The following VEPH1 variants were observed in gnomAD, a reference collection of about 807,000 sequenced individuals.
VEPH1 encodes ventricular zone expressed PH domain containing 1, also known as ventricular zone-expressed PH domain-containing protein homolog 1.
VEPH1 carries 80 observed loss-of-function variants against 85.2 expected under a neutral mutation model. The observed-to-expected ratio is 0.94, with a 90% CI of 0.78 to 1.13. The LOEUF is 1.13. VEPH1 is among the 50% of genes most tolerant of loss of function. The pLI, the probability that VEPH1 is intolerant of heterozygous loss-of-function variation, is 0.00. For missense variants in VEPH1, 955 were observed against 980.5 expected (o/e 0.97, Z 0.35); for synonymous variants, 297 against 348.0 (o/e 0.85, Z 1.63).
At chr3:157,267,102 C>CTTTTTTTTTTT (rs10537483) in intron 12 of VEPH1, among the ~76,000 whole-genome samples, 23 of 124,674 alleles carry the variant, frequency 1.8e-4, no homozygotes, top group Non-Finnish European at 3.1e-4. Flanking sequence ...TCTTTTTTTT[C>CTTTTTTTTTTT]TTTTTTTTTT....
intron 7 of VEPH1, among the ~76,000 whole-genome samples, chr3:157,377,053 T>C (rs1315847294): frequency 2.0e-5 from 3 of 152,156 alleles, no homozygotes; most frequent in African/African-American, 4.8e-5. Context: ...AGAGAAGCCT[T>C]AGCAACCATT....
chr3:157,442,893 G>T (rs1437024935), intron 4 of VEPH1: 1 of 1,614,100 alleles, frequency 6.2e-7, no homozygotes, highest in Non-Finnish European at 8.5e-7. Flanking sequence ...GACCGGAGGA[G>T]CAGAGTCTTG....
chr3:157,368,469 A>C (rs531858802), intron 7 of VEPH1, among the ~76,000 whole-genome samples: 1 of 138,772 alleles, frequency 7.2e-6, no homozygotes, highest in East Asian at 2.2e-4. Context: ...TTTCAGATAA[A>C]CAATAAGTTT....
intron 8 of VEPH1, among the ~76,000 whole-genome samples, 156 bp downstream of exon 8, chr3:157,364,147 T>C (rs534111927): frequency 1.3e-5 from 2 of 152,290 alleles, no homozygotes; most frequent in South Asian, 4.1e-4. Context: ...CTTTGGATAA[T>C]GAGAGCATTG....
At chr3:157,454,006 C>G (rs1344529355) in intron 4 of VEPH1, among the ~76,000 whole-genome samples, 3 of 152,072 alleles carry the variant, frequency 2.0e-5, no homozygotes, top group Non-Finnish European at 2.9e-5. Context: ...ATCGAAAAAG[C>G]ATTTTTTAAA....
intron 4 of VEPH1, among the ~76,000 whole-genome samples, chr3:157,450,133 G>A (rs1734855379): frequency 7.2e-6 from 1 of 138,080 alleles, no homozygotes; most frequent in East Asian, 2.1e-4. Flanking sequence ...ACAGCTTGCT[G>A]CAGCTTCAAC....
At chr3:157,404,178 A>G (rs1730982307) in intron 6 of VEPH1, among the ~76,000 whole-genome samples, 1 of 152,092 alleles carries the variant, frequency 6.6e-6, no homozygotes, top group South Asian at 2.1e-4. Context: ...TTCAGTCTCT[A>G]TGGAACAGTT....
chr3:157,387,478 A>G (rs977882129), intron 6 of VEPH1, among the ~76,000 whole-genome samples: 2 of 152,226 alleles, frequency 1.3e-5, no homozygotes, highest in African/African-American at 4.8e-5. Flanking sequence ...TAATATAGCT[A>G]TAAGTGGCAG....
intron 6 of VEPH1, among the ~76,000 whole-genome samples, chr3:157,408,414 G>C (rs1425431729): frequency 1.3e-5 from 2 of 152,048 alleles, no homozygotes; most frequent in African/African-American, 4.8e-5. Flanking sequence ...TCTAGAATAA[G>C]TAGACAGACT....
At chr3:157,296,919 A>C (rs528643419) in intron 11 of VEPH1, among the ~76,000 whole-genome samples, 1 of 152,348 alleles carries the variant, frequency 6.6e-6, no homozygotes, top group South Asian at 2.1e-4. Flanking sequence ...ACTTTTTGCC[A>C]CAATCAATTA....
At chr3:157,489,214 T>A (rs554081163) in intron 2 of VEPH1, 10 of 456,294 alleles carry the variant, frequency 2.2e-5, no homozygotes, top group African/African-American at 1.6e-4. Context: ...TGCTCAGAAC[T>A]CTCCAGTGGC....
At chr3:157,371,896 G>C (rs970397311) in intron 7 of VEPH1, among the ~76,000 whole-genome samples, 1 of 152,186 alleles carries the variant, frequency 6.6e-6, no homozygotes, top group African/African-American at 2.4e-5. Flanking sequence ...GGCATATCAG[G>C]TGAGCAGTAG....
intron 2 of VEPH1, among the ~76,000 whole-genome samples, chr3:157,483,070 A>T (rs1738273052): frequency 6.6e-6 from 1 of 151,876 alleles, no homozygotes; most frequent in Admixed American, 6.6e-5. Flanking sequence ...CTACATTGGC[A>T]TCCATACTAA....
At chr3:157,409,720 T>C (rs1268032617) in intron 6 of VEPH1, 1 of 985,422 alleles carries the variant, frequency 1.0e-6, no homozygotes, top group Non-Finnish European at 1.2e-6. Flanking sequence ...AGGCACACCC[T>C]GTCATTTCCC....
intron 9 of VEPH1, among the ~76,000 whole-genome samples, chr3:157,320,385 A>T (rs1721225067): frequency 6.6e-6 from 1 of 152,164 alleles, no homozygotes; most frequent in Non-Finnish European, 1.5e-5. Flanking sequence ...CAAGATTTTG[A>T]ACTTAAAGTG....
At chr3:157,304,064 A>T (rs992046197) in intron 11 of VEPH1, among the ~76,000 whole-genome samples, 1 of 85,030 alleles carries the variant, frequency 1.2e-5, no homozygotes, top group Non-Finnish European at 2.7e-5. Context: ...CATCTTATAT[A>T]TAATAGGCCT....
chr3:157,344,612 A>G (rs1387102218), intron 9 of VEPH1, among the ~76,000 whole-genome samples: 2 of 152,240 alleles, frequency 1.3e-5, no homozygotes, highest in African/African-American at 4.8e-5. Context: ...AAGGTAATTT[A>G]TAGATCCAGT....
intron 6 of VEPH1, among the ~76,000 whole-genome samples, chr3:157,401,418 C>T (rs1474385469): frequency 6.6e-6 from 1 of 152,094 alleles, no homozygotes; most frequent in East Asian, 1.9e-4. Flanking sequence ...ACATAATTTA[C>T]TCATTAGATA....
At chr3:157,262,259 G>A (rs1713011106) in intron 13 of VEPH1, among the ~76,000 whole-genome samples, 1 of 152,066 alleles carries the variant, frequency 6.6e-6, no homozygotes, top group Admixed American at 6.6e-5. Flanking sequence ...CCAAGGCAAT[G>A]TAATCACTCC....
Sources: allele counts gnomAD v4.1 joint callset (sites outside exome capture counted in the v4.1 genomes callset), GRCh38; gene constraint gnomAD v4.1.1; transcripts MANE v1.5; gene names NCBI Gene and HGNC (gene_info 2026-07-23, HGNC 2026-07-21).